The following NYAP2 variants were observed in gnomAD, a reference collection of about 807,000 sequenced individuals.
NYAP2 encodes neuronal tyrosine-phosphorylated phosphoinositide-3-kinase adaptor 2.
A neutral mutation model predicts 50.4 loss-of-function variants in NYAP2; 23 were observed. That is an observed-to-expected ratio of 0.46 (90% confidence interval 0.33 to 0.65). The LOEUF is 0.65. Ranked by LOEUF, NYAP2 falls within the 30% of genes least tolerant of loss-of-function variation. The pLI is 0.02. For synonymous variants in NYAP2, 394 were observed against 365.2 expected (o/e 1.08, Z -0.90); for missense variants, 885 against 861.0 (o/e 1.03, Z -0.35).
chr2:225,562,611 T>C (rs1691894838), intron 4 of NYAP2, among the ~76,000 whole-genome samples: 1 of 152,060 alleles, frequency 6.6e-6, no homozygotes, highest in South Asian at 2.1e-4. Flanking sequence ...TTGAAAAGCA[T>C]TGTAAGGGCA....
intron 3 of NYAP2, among the ~76,000 whole-genome samples, chr2:225,465,944 G>A (rs1689909714): frequency 6.6e-6 from 1 of 152,048 alleles, no homozygotes; most frequent in Non-Finnish European, 1.5e-5. Flanking sequence ...AATTTCTTCT[G>A]CACAAAATCC....
chr2:225,648,043 C>T (rs1167834033), intron 6 of NYAP2, among the ~76,000 whole-genome samples: 3 of 151,960 alleles, frequency 2.0e-5, no homozygotes, highest in Non-Finnish European at 4.4e-5. Flanking sequence ...TCTTGTTGCC[C>T]AGGCTGGAGT....
rs549326577 is a variant in NYAP2, at chr2:225,514,989, A to G, written c.523+1317A>G. Reference sequence around the variant, plus strand: ...GCCTAATCTTTCCACAGATTCTCATAGGCAGTCCATGAGATCAGATGCCTA... The same window carrying G: ...GCCTAATCTTTCCACAGATTCTCATGGGCAGTCCATGAGATCAGATGCCTA... On this transcript the variant is annotated intron_variant, in intron 4 of 6. Transcript: ENST00000636099. 3.9e-5 allele frequency among the ~76,000 whole-genome samples: 6 copies of G among 152,296 alleles called. No individual in the cohort carries two copies. In the East Asian group the frequency reaches 1.2e-3, roughly 29 times the overall value.
chr2:225,649,431 C>T (rs1182394437), intron 6 of NYAP2, among the ~76,000 whole-genome samples: 4 of 152,166 alleles, frequency 2.6e-5, no homozygotes, highest in African/African-American at 7.2e-5. Context: ...AGGGTCTCTC[C>T]TTGCCCTGCT....
At chr2:225,622,821 G>T (rs1055799224) in intron 5 of NYAP2, among the ~76,000 whole-genome samples, 1 of 151,206 alleles carries the variant, frequency 6.6e-6, no homozygotes. Context: ...CTGACCTGAG[G>T]TGATCCACCT....
At chr2:225,626,681 C>T (rs372796444) in intron 5 of NYAP2, among the ~76,000 whole-genome samples, 3 of 152,176 alleles carry the variant, frequency 2.0e-5, no homozygotes, top group South Asian at 2.1e-4. Context: ...AAAGATTCGT[C>T]GAGGTACTCT....
intron 3 of NYAP2, among the ~76,000 whole-genome samples, chr2:225,421,794 G>C (rs1695218863): frequency 6.6e-6 from 1 of 152,138 alleles, no homozygotes; most frequent in Admixed American, 6.5e-5. Context: ...CCTATTTGAA[G>C]TCCCCAAACC....
intron 4 of NYAP2, among the ~76,000 whole-genome samples, chr2:225,539,338 T>A (rs916893421): frequency 1.3e-5 from 2 of 152,244 alleles, no homozygotes; most frequent in South Asian, 2.1e-4. Context: ...TAGAATGATT[T>A]ATAATCCTTT....
At position 225,612,547 on chromosome 2, in the gene NYAP2, A is replaced by G. The variant is rs545200034; in HGVS notation, c.1619-14370A>G. ...AAATACCATTGAGTGGGTGGTTTAAACAACAGACATTTCTTTCTTGCAGTT... is the reference window on the plus strand; with the variant it reads ...AAATACCATTGAGTGGGTGGTTTAAGCAACAGACATTTCTTTCTTGCAGTT... On this transcript the variant is annotated intron_variant, in intron 5 of 6. Coordinates refer to ENST00000636099, the Ensembl canonical transcript of NYAP2. 3.9e-5 allele frequency among the ~76,000 whole-genome samples: 6 copies of G among 152,162 alleles called. No homozygotes were observed. The South Asian group carries it at 1.2e-3, about 32-fold the overall frequency.
At chr2:225,519,393 G>A (rs1306063314) in intron 4 of NYAP2, among the ~76,000 whole-genome samples, 1 of 150,844 alleles carries the variant, frequency 6.6e-6, no homozygotes, top group African/African-American at 2.4e-5. Flanking sequence ...TTTAGCATTA[G>A]GTATATCTCC....
intron 3 of NYAP2, among the ~76,000 whole-genome samples, chr2:225,458,364 T>C (rs1264532916): frequency 6.6e-6 from 1 of 152,198 alleles, no homozygotes; most frequent in Non-Finnish European, 1.5e-5. Flanking sequence ...GCATTCTCTT[T>C]AGTTTTAATA....
intron 3 of NYAP2, among the ~76,000 whole-genome samples, chr2:225,431,101 A>C (rs983583202): frequency 6.6e-6 from 1 of 152,194 alleles, no homozygotes; most frequent in East Asian, 1.9e-4. Flanking sequence ...AATATCTCTA[A>C]AAAATAAAAT....
intron 5 of NYAP2, among the ~76,000 whole-genome samples, chr2:225,598,483 T>C (rs1692644049): frequency 6.6e-6 from 1 of 152,198 alleles, no homozygotes; most frequent in Non-Finnish European, 1.5e-5. Context: ...TTGTGAAGTG[T>C]TGTTTCTAAG....
At chr2:225,442,757 G>C (rs569250527) in intron 3 of NYAP2, among the ~76,000 whole-genome samples, 1 of 152,148 alleles carries the variant, frequency 6.6e-6, no homozygotes, top group African/African-American at 2.4e-5. Flanking sequence ...TGTGTTTTTA[G>C]TAGAGATAGG....
At chr2:225,514,819 T>A (rs770878167) in intron 4 of NYAP2, among the ~76,000 whole-genome samples, 6 of 152,116 alleles carry the variant, frequency 3.9e-5, no homozygotes, top group African/African-American at 9.7e-5. Flanking sequence ...TCTGCCCCAC[T>A]CTCCTTTCTC....
intron 6 of NYAP2, among the ~76,000 whole-genome samples, chr2:225,646,492 G>A (rs1319166715): frequency 5.9e-5 from 9 of 152,076 alleles, no homozygotes; most frequent in African/African-American, 1.9e-4. Flanking sequence ...CAGAGATTGC[G>A]GTGAGCCAAG....
At chr2:225,678,247 G>A in the NYAP2 span, among the ~76,000 whole-genome samples, 3 of 151,998 alleles carry the variant, frequency 2.0e-5, no homozygotes, top group Admixed American at 6.6e-5. Context: ...ATTTCTGTGG[G>A]AGCGGTTGTA....
intron 4 of NYAP2, among the ~76,000 whole-genome samples, chr2:225,532,956 A>G (rs60030825): frequency 0.012 from 1,821 of 152,308 alleles, 40 homozygotes; most frequent in African/African-American, 0.04. Context: ...CAATAGAGAA[A>G]CAAGAAAGAT....
chr2:225,427,211 TAA>T (rs1695300662), intron 3 of NYAP2, among the ~76,000 whole-genome samples: 1 of 152,172 alleles, frequency 6.6e-6, no homozygotes, highest in Non-Finnish European at 1.5e-5. Context: ...TCAGATTGGG[TAA>T]CTATTCAATC....
Sources: allele counts gnomAD v4.1 joint callset (sites outside exome capture counted in the v4.1 genomes callset), GRCh38; gene constraint gnomAD v4.1.1; transcripts MANE v1.5; gene names NCBI Gene and HGNC (gene_info 2026-07-23, HGNC 2026-07-21).